HNF1A: variants seen among roughly 807,000 people sequenced by gnomAD.
HNF1A encodes the protein HNF1 homeobox A.
HNF1A carries 21 observed loss-of-function variants against 62.2 expected under a neutral mutation model. That is an observed-to-expected ratio of 0.34 (90% CI 0.24 to 0.49). HNF1A has a LOEUF of 0.49. Ranked by LOEUF, HNF1A falls within the 20% of genes least tolerant of loss-of-function variation. The probability of loss-of-function intolerance (pLI) is 0.99; values close to 1 mark genes in which losing one functional copy is unlikely to be tolerated. For missense variants in HNF1A, 687 were observed against 832.3 expected, an observed-to-expected ratio of 0.83 and a Z score of 2.15; for synonymous variants, 374 against 366.8, an observed-to-expected ratio of 1.02 and a Z score of -0.22.
chr12:120,982,065 TTTG>T (rs918278408), intron 1 of HNF1A, among the ~76,000 whole-genome samples: 8 of 151,798 alleles, frequency 5.3e-5, no homozygotes, highest in African/African-American at 1.2e-4. Context: ...GTGTTTCTTT[TTTG>T]TTGTTGTTGT....
Position 120,988,824 on chromosome 12 carries a change from C to G in HNF1A, c.327-9C>G. Reference sequence around the variant, plus strand: ...TTGCTGAGCAGATCCCGTCCTTGCCCTCTCCCAGGGAGGACCCGTGGCGTG... The same window carrying G: ...TTGCTGAGCAGATCCCGTCCTTGCCGTCTCCCAGGGAGGACCCGTGGCGTG... On this transcript the variant is annotated splice_polypyrimidine_tract_variant and intron_variant, in intron 1 of 9. Transcript: ENST00000257555. 1.9e-6 allele frequency: 3 copies of G among 1,614,102 alleles called. No individual in the cohort carries two copies. The highest frequency in any genetic ancestry group is 2.5e-6 in the Non-Finnish European group (3 of 1,179,982).
chr12:120,996,144 A>T lies in HNF1A; in HGVS notation c.956-118A>T. ...ACAAAGGCAGATTTGCTGGCTGCATAAAGGCAGACAGGCAGCTGGCCTAAG... is the reference window on the plus strand; with the variant it reads ...ACAAAGGCAGATTTGCTGGCTGCATTAAGGCAGACAGGCAGCTGGCCTAAG... On this transcript the variant is annotated intron_variant, in intron 4 of 9. Coordinates refer to ENST00000257555, the MANE Select transcript of HNF1A (RefSeq NM_000545.8). The surrounding 1 kb of genome is among the most constrained non-coding windows in gnomAD (Gnocchi z 4.5). The T allele has an allele frequency of 8.0e-7, 1 of 1,250,734 alleles. No homozygotes were observed. The highest frequency in any genetic ancestry group is 1.1e-6 in the Non-Finnish European group (1 of 872,738). The allele number at this position is 1,250,734 out of a possible 1,614,324, so 77.5% of individuals were successfully genotyped here.
In HNF1A at chr12:121,001,482, T is replaced by A; in HGVS notation, c.*290T>A. 2.1e-6 allele frequency: 1 copy of A among 480,786 alleles called. No homozygotes were observed. The highest frequency in any genetic ancestry group is 3.9e-6 in the Non-Finnish European group (1 of 259,342). The allele number at this position is 480,786 out of a possible 1,614,324, so 29.8% of individuals were successfully genotyped here. ...GCTGCTTCGTGGGATACAGTCTTCT[T>A]ACTTGGAACTGAAGGGGGCGGCCTA... On this transcript the variant is annotated 3_prime_UTR_variant, in exon 10 of 10. Transcript: ENST00000257555.
chr12:120,986,645 T>C (rs1876525578), intron 1 of HNF1A, among the ~76,000 whole-genome samples: 1 of 152,258 alleles, frequency 6.6e-6, no homozygotes, highest in Non-Finnish European at 1.5e-5. Context: ...AGTGGCGCGA[T>C]CTCGGCTCAC....
At position 120,999,322 on chromosome 12, in the gene HNF1A, C is replaced by G. The variant is rs749673816; in HGVS notation, c.1556C>G (p.Pro519Arg). ...CAGTACACCCACACGGGCCTGCTCC[C>G]GCAGACTATGCTCATCACCGACACC... The part of the protein sequence containing the change: ...VAQYTHTGLL[P>R]QTMLITDTTN... The change falls in exon 8 of 10, where the codon CCG (proline) becomes CGG (arginine). Residue 519 changes from proline to arginine, a missense_variant. Transcript: ENST00000257555. 8.7e-6 allele frequency: 14 copies of G among 1,614,010 alleles called. No homozygotes were observed. Among genetic ancestry groups the G allele is most frequent in the Non-Finnish European group, 1.1e-5 (13 of 1,179,978 alleles).
chr12:120,999,118 T>A lies in HNF1A; in HGVS notation c.1502-150T>A, dbSNP rs970966734. ...AGGGTCTGTCCCTTTATCTGGAGCCTCCAGTTTTGAAAATCAGCCCTGGAT... is the reference window on the plus strand; with the variant it reads ...AGGGTCTGTCCCTTTATCTGGAGCCACCAGTTTTGAAAATCAGCCCTGGAT... On this transcript the variant is annotated intron_variant, in intron 7 of 9. Transcript: ENST00000257555. The A allele has an allele frequency of 5.6e-5, 51 of 911,964 alleles. 1 individual carries two copies. Among genetic ancestry groups the A allele is most frequent in the Non-Finnish European group, 8.5e-5 (48 of 564,930 alleles). The allele number at this position is 911,964 out of a possible 1,614,324, so 56.5% of individuals were successfully genotyped here.
rs754066883 is a variant in HNF1A at position 121,001,206 on chromosome 12, G to A, written c.*14G>A. ...TCCTCCCAGTAACCACGGCACCTGG[G>A]CCCTGGGGCCTGTACTGCCTGCTTG... On this transcript the variant is annotated 3_prime_UTR_variant, in exon 10 of 10. Transcript: ENST00000257555. 1 of 1,613,578 alleles carries A rather than the reference G, an allele frequency of 6.2e-7. No individual in the cohort carries two copies. The highest frequency in any genetic ancestry group is 8.5e-7 in the Non-Finnish European group (1 of 1,179,922).
rs1477602020 is a variant in HNF1A at position 121,001,814 on chromosome 12, G to A, written c.*622G>A. On this transcript the variant is annotated 3_prime_UTR_variant, in exon 10 of 10. Transcript: ENST00000257555. ...TCTAACGCCTGAGCCCAGGGAGGCC[G>A]AAGCTAACAGGGAAGGCAGGCAGGG... is the stretch of plus-strand genomic sequence containing the variant. 1 of 535,426 alleles carries A rather than the reference G, an allele frequency of 1.9e-6. No homozygotes were observed. Among genetic ancestry groups the A allele is most frequent in the Admixed American group, 2.2e-5 (1 of 44,818 alleles). 33.2% of individuals were successfully genotyped at this position (535,426 alleles called of 1,614,324 possible).
rs1165700344 is a variant in HNF1A at position 120,996,524 on chromosome 12, T to A, written c.1108-17T>A. 1.9e-6 allele frequency: 3 copies of A among 1,613,376 alleles called. No individual in the cohort carries two copies. Among genetic ancestry groups the A allele is most frequent in the South Asian group, 2.2e-5 (2 of 91,058 alleles). On this transcript the variant is annotated splice_polypyrimidine_tract_variant and intron_variant, in intron 5 of 9. Coordinates refer to ENST00000257555, the MANE Select transcript of HNF1A (RefSeq NM_000545.8). The surrounding 1 kb of genome is among the most constrained non-coding windows in gnomAD (Gnocchi z 4.5). ...GGGACCCCGGCCCCCCGGACACAGCTTGGCTTCCCCTCGTAGGTCTCAGCA... is the reference window on the plus strand; with the variant it reads ...GGGACCCCGGCCCCCCGGACACAGCATGGCTTCCCCTCGTAGGTCTCAGCA...
rs78184916 is a variant in HNF1A at position 121,001,232 on chromosome 12, G to C, written c.*40G>C. The stretch of plus-strand genomic sequence containing the variant: ...CCCTGGGGCCTGTACTGCCTGCTTG[G>C]GGGGTGATGAGGGCAGCAGCCAGCC... On this transcript the variant is annotated 3_prime_UTR_variant, in exon 10 of 10. Coordinates refer to ENST00000257555, the MANE Select transcript of HNF1A (RefSeq NM_000545.8). 1.4e-5 allele frequency: 23 copies of C among 1,611,252 alleles called. No homozygotes were observed. The highest frequency in any genetic ancestry group is 8.4e-5 in the Admixed American group (5 of 59,806).
chr12:121,001,196 C>T lies in HNF1A; in HGVS notation c.*4C>T, dbSNP rs753174645. On this transcript the variant is annotated 3_prime_UTR_variant, in exon 10 of 10. Transcript: ENST00000257555. ...GATGGCCTCTTCCTCCCAGTAACCACGGCACCTGGGCCCTGGGGCCTGTAC... is the reference window on the plus strand; with the variant it reads ...GATGGCCTCTTCCTCCCAGTAACCATGGCACCTGGGCCCTGGGGCCTGTAC... 1.7e-5 allele frequency: 28 copies of T among 1,613,808 alleles called. No individual in the cohort carries two copies. The highest frequency in any genetic ancestry group is 9.9e-5 in the South Asian group (9 of 91,068).
rs1379921979 is a variant in HNF1A at position 120,978,682 on chromosome 12, C to T, written c.-87C>T. On this transcript the variant is annotated 5_prime_UTR_variant, in exon 1 of 10. Transcript: ENST00000257555. ...GTGCAAGGAGTTTGGTTTGTGTCTG[C>T]CGGCCGGCAGGCAAACGCAACCCAC... The T allele has an allele frequency of 1.5e-6, 2 of 1,299,498 alleles. No individual in the cohort carries two copies. Among genetic ancestry groups the T allele is most frequent in the Non-Finnish European group, 1.1e-6 (1 of 901,986 alleles). The allele number at this position is 1,299,498 out of a possible 1,614,324, so 80.5% of individuals were successfully genotyped here. A position where few individuals can be genotyped will look rare whatever the true frequency, so the allele number is the denominator to read the frequency against.
At chr12:120,998,087 C>T in intron 7 of HNF1A, 1 of 392,356 alleles carries the variant, frequency 2.5e-6, no homozygotes, top group African/African-American at 2.0e-5. Flanking sequence ...CAAGACCAGC[C>T]TGGCCAACAC....
At chr12:120,998,083 C>A in intron 7 of HNF1A, 1 of 403,216 alleles carries the variant, frequency 2.5e-6, no homozygotes, top group African/African-American at 2.0e-5. Context: ...AGTTCAAGAC[C>A]AGCCTGGCCA....
At chr12:120,982,463 G>T (rs1025312828) in intron 1 of HNF1A, among the ~76,000 whole-genome samples, 1 of 151,758 alleles carries the variant, frequency 6.6e-6, no homozygotes, top group African/African-American at 2.4e-5. Flanking sequence ...CGGCAGGAGG[G>T]GGGGGGGACA....
In HNF1A at chr12:120,997,944, C is replaced by T. The variant is rs1877203150; in HGVS notation, c.1501+279C>T. ...TGCATGCCTGTGTTTCTCTGAAACT[C>T]TTAGGGCCATATGAATTTCTAAAAT... On this transcript the variant is annotated intron_variant, in intron 7 of 9. Coordinates refer to ENST00000257555, the MANE Select transcript of HNF1A (RefSeq NM_000545.8). 4.6e-5 allele frequency: 29 copies of T among 630,986 alleles called. No individual in the cohort carries two copies. In the South Asian group the frequency reaches 5.4e-4, roughly 12 times the overall value. 39.1% of individuals were successfully genotyped at this position (630,986 alleles called of 1,614,324 possible). A position where few individuals can be genotyped will look rare whatever the true frequency, so the allele number is the denominator to read the frequency against.
In HNF1A at chr12:121,001,202, C is replaced by T. The variant is rs1328123164; in HGVS notation, c.*10C>T. 1 of 1,613,790 alleles carries T rather than the reference C, an allele frequency of 6.2e-7. No individual in the cohort carries two copies. The highest frequency in any genetic ancestry group is 1.1e-5 in the South Asian group (1 of 91,046). On this transcript the variant is annotated 3_prime_UTR_variant, in exon 10 of 10. Transcript: ENST00000257555. ...CTCTTCCTCCCAGTAACCACGGCAC[C>T]TGGGCCCTGGGGCCTGTACTGCCTG...
rs373384579 is a variant in HNF1A at position 120,996,368 on chromosome 12, G to A, written c.1062G>A (p.Thr354=). The stretch of plus-strand genomic sequence containing the variant: ...CACCCCTCCACCAAGTGTCCCCCAC[G>A]GGCCTGGAGCCCAGCCACAGCCTGC... ...VSTPLHQVSP[T]GLEPSHSLLS... Residue 354 remains threonine (T), a synonymous_variant, in exon 5 of 10, where the codon ACG becomes ACA. Coordinates refer to ENST00000257555, the MANE Select transcript of HNF1A (RefSeq NM_000545.8). This position sits in a 1 kb window ranked among gnomAD's most constrained non-coding sequence, Gnocchi z 4.5. 1.9e-5 allele frequency: 30 copies of A among 1,614,030 alleles called. No homozygotes were observed. The Admixed American group carries it at 2.2e-4, about 12-fold the overall frequency.
In HNF1A at chr12:120,997,437, TG is replaced by T. The variant is rs980490998; in HGVS notation, c.1310-31del. Reference sequence around the variant, plus strand: ...GTCTTGGGCAGGGGTGGGATATAACTGGGGGGCCCAGCTGATTCCCTCCCCT... The same window carrying T: ...GTCTTGGGCAGGGGTGGGATATAACTGGGGGCCCAGCTGATTCCCTCCCCT... On this transcript the variant is annotated intron_variant, in intron 6 of 9. Coordinates refer to ENST00000257555, the MANE Select transcript of HNF1A (RefSeq NM_000545.8). 5.1e-6 allele frequency: 8 copies of T among 1,572,850 alleles called. No homozygotes were observed. The African/African-American group carries it at 8.0e-5, about 16-fold the overall frequency.
Sources: allele counts gnomAD v4.1 joint callset (sites outside exome capture counted in the v4.1 genomes callset), GRCh38; gene constraint gnomAD v4.1.1; non-coding constraint Gnocchi (gnomAD v3.1); transcripts MANE v1.5; gene names NCBI Gene and HGNC (gene_info 2026-07-23, HGNC 2026-07-21).